The following USP3 variants were observed in gnomAD, a reference collection of about 807,000 sequenced individuals.
USP3 encodes the protein ubiquitin specific peptidase 3.
A neutral mutation model predicts 72.3 loss-of-function variants in USP3; 20 were observed. That is an observed-to-expected ratio of 0.28 (90% confidence interval 0.19 to 0.40). The LOEUF (loss-of-function observed/expected upper bound fraction) is 0.40. Ranked by LOEUF, USP3 falls within the 10% of genes least tolerant of loss-of-function variation. The pLI is 1.00. For missense variants in USP3, 479 were observed against 633.9 expected (o/e 0.76, Z 2.62); for synonymous variants, 222 against 225.3 (o/e 0.99, Z 0.13).
chr15:63,554,699 A>G, intron 4 of USP3, among the ~76,000 whole-genome samples: 1 of 152,246 alleles, frequency 6.6e-6, no homozygotes, highest in East Asian at 1.9e-4. Flanking sequence ...CTTTGAGGGC[A>G]GTACTGTGTA....
At chr15:63,522,025 C>G (rs1189197990) in intron 1 of USP3, among the ~76,000 whole-genome samples, 3 of 152,114 alleles carry the variant, frequency 2.0e-5, no homozygotes, top group Non-Finnish European at 2.9e-5. Flanking sequence ...CACAGCAGCC[C>G]TTACCTTCCA....
Position 63,562,943 on chromosome 15 carries a change from C to T in USP3, c.696C>T (p.Gly232=), listed in dbSNP as rs1463616259. Residue 232 remains glycine (G), a synonymous_variant, in exon 8 of 15, where the codon GGC becomes GGT. Coordinates refer to ENST00000380324, the MANE Select transcript of USP3 (RefSeq NM_006537.4). ...AGACACTCTGTGCTTTATGGCAAGG[C>T]AGCCAGACTGCATTTAGCCCAGAGT... ...FRKTLCALWQ[G]SQTAFSPESL... is the part of the protein sequence containing the mutation. 1 of 1,612,854 alleles carries T rather than the reference C, an allele frequency of 6.2e-7. No homozygotes were observed. The highest frequency in any genetic ancestry group is 1.1e-5 in the South Asian group (1 of 90,534).
intron 3 of USP3, chr15:63,551,415 A>G (rs1430049082): frequency 6.6e-6 from 1 of 151,672 alleles, no homozygotes; most frequent in African/African-American, 2.4e-5. Context: ...AATAATTAAA[A>G]TAAGTATTTT....
At position 63,531,380 on chromosome 15, in the gene USP3, A is replaced by G. The variant is rs566158023; in HGVS notation, c.92-1267A>G. On this transcript the variant is annotated intron_variant, in intron 1 of 14. Coordinates refer to ENST00000380324, the MANE Select transcript of USP3 (RefSeq NM_006537.4). ...AAAACTGGTTAATATCCTACAGGGTAGTATAATTGTAACCTTTGGAGTCTG... is the reference window on the plus strand; with the variant it reads ...AAAACTGGTTAATATCCTACAGGGTGGTATAATTGTAACCTTTGGAGTCTG... Among the ~76,000 whole-genome samples the G allele has an allele frequency of 2.6e-5, 4 of 152,352 alleles. No homozygotes were observed. The South Asian group carries it at 8.3e-4, about 32-fold the overall frequency.
At chr15:63,568,490 A>T (rs759457548) in intron 8 of USP3, among the ~76,000 whole-genome samples, 2 of 152,144 alleles carry the variant, frequency 1.3e-5, no homozygotes, top group East Asian at 1.9e-4. Context: ...TTTGGGTGAC[A>T]TTGCTGAAAT....
chr15:63,520,890 C>T (rs1258119796), intron 1 of USP3, among the ~76,000 whole-genome samples: 1 of 151,980 alleles, frequency 6.6e-6, no homozygotes, highest in East Asian at 1.9e-4. Flanking sequence ...AAATCTCATC[C>T]TTACTGATTT....
intron 9 of USP3, among the ~76,000 whole-genome samples, chr15:63,571,995 G>A (rs929342173): frequency 5.3e-5 from 8 of 152,228 alleles, no homozygotes; most frequent in Non-Finnish European, 8.8e-5. Flanking sequence ...TACTGAAGGT[G>A]AAGGTGAGGA....
intron 8 of USP3, among the ~76,000 whole-genome samples, chr15:63,566,303 CTTTT>C (rs1011143008): frequency 2.9e-5 from 4 of 139,498 alleles, no homozygotes; most frequent in Non-Finnish European, 4.7e-5. Flanking sequence ...GCCTGTGATG[CTTTT>C]TTTTTTTTTA....
chr15:63,591,932 G>A lies in USP3; in HGVS notation c.*1106G>A, dbSNP rs1057084343. Reference sequence around the variant, plus strand: ...TCGTTTTGTTTTTTGGGGGTTTTTGGAGACAAGAGTCTCTCTCTGTTGCCC... The same window carrying A: ...TCGTTTTGTTTTTTGGGGGTTTTTGAAGACAAGAGTCTCTCTCTGTTGCCC... On this transcript the variant is annotated 3_prime_UTR_variant, in exon 15 of 15. Transcript: ENST00000380324. 6.6e-6 allele frequency: 1 copy of A among 152,230 alleles called. No homozygotes were observed. Among genetic ancestry groups the A allele is most frequent in the African/African-American group, 2.4e-5 (1 of 41,404 alleles). 9.4% of individuals were successfully genotyped at this position (152,230 alleles called of 1,614,324 possible).
intron 1 of USP3, among the ~76,000 whole-genome samples, chr15:63,511,355 T>G (rs1360873137): frequency 6.6e-6 from 1 of 151,126 alleles, no homozygotes; most frequent in African/African-American, 2.4e-5. Context: ...GAACACATAC[T>G]TTAAATAATT....
chr15:63,514,426 G>A (rs2065825403), intron 1 of USP3, among the ~76,000 whole-genome samples: 2 of 152,092 alleles, frequency 1.3e-5, no homozygotes, highest in Admixed American at 1.3e-4. Context: ...CTGAAATATT[G>A]ATTATCTATC....
intron 3 of USP3, chr15:63,542,187 A>T (rs987300671): frequency 4.7e-5 from 46 of 985,078 alleles, no homozygotes; most frequent in Non-Finnish European, 5.4e-5. Flanking sequence ...TAAAGCTGAG[A>T]AAGAGGTAGA....
rs769002148 is a variant in USP3, at chr15:63,544,708, C to G, written c.284+7552C>G. The G allele has an allele frequency of 1.4e-6, 1 of 701,442 alleles. No homozygotes were observed. The highest frequency in any genetic ancestry group is 2.7e-5 in the East Asian group (1 of 37,202). 43.5% of individuals were successfully genotyped at this position (701,442 alleles called of 1,614,324 possible). ...TTTGCCATTAAATAAGTGAATAGTG[C>G]GAAATGGAAAATACCGAGGGGTAAG... On this transcript the variant is annotated intron_variant, in intron 3 of 14. Coordinates refer to ENST00000380324, the MANE Select transcript of USP3 (RefSeq NM_006537.4). The surrounding 1 kb of genome is among the most constrained non-coding windows in gnomAD (Gnocchi z 4.2).
intron 1 of USP3, among the ~76,000 whole-genome samples, chr15:63,526,857 A>G (rs2065989652): frequency 6.6e-6 from 1 of 152,170 alleles, no homozygotes; most frequent in Non-Finnish European, 1.5e-5. Context: ...GGATGATGAT[A>G]TGATTGTTTC....
chr15:63,507,993 C>G (rs2065735330), intron 1 of USP3, among the ~76,000 whole-genome samples: 1 of 152,102 alleles, frequency 6.6e-6, no homozygotes, highest in African/African-American at 2.4e-5. Flanking sequence ...CTTTTTGTAA[C>G]TCTTTGTTCA....
intron 11 of USP3, among the ~76,000 whole-genome samples, chr15:63,583,428 C>G (rs2066998530): frequency 6.6e-6 from 1 of 152,110 alleles, no homozygotes; most frequent in Non-Finnish European, 1.5e-5. Context: ...ATACTCCAGC[C>G]TGCATGACAG....
rs2067244353 is a variant in USP3 at position 63,593,675 on chromosome 15, T to C, written c.*2849T>C. ...AGAAAAGTGATTGGATCCATCTCAATTGTGCACTTGAACAGCAGTGATGTA... is the reference window on the plus strand; with the variant it reads ...AGAAAAGTGATTGGATCCATCTCAACTGTGCACTTGAACAGCAGTGATGTA... On this transcript the variant is annotated 3_prime_UTR_variant, in exon 15 of 15. Coordinates refer to ENST00000380324, the MANE Select transcript of USP3 (RefSeq NM_006537.4). 1 of 152,264 alleles carries C rather than the reference T, an allele frequency of 6.6e-6. No homozygotes were observed. Among genetic ancestry groups the C allele is most frequent in the Non-Finnish European group, 1.5e-5 (1 of 68,044 alleles). 9.4% of individuals were successfully genotyped at this position (152,264 alleles called of 1,614,324 possible).
In USP3 at chr15:63,591,839, C is replaced by CCTCT. The variant is rs1166002571; in HGVS notation, c.*1018_*1021dup. On this transcript the variant is annotated 3_prime_UTR_variant, in exon 15 of 15. Coordinates refer to ENST00000380324, the MANE Select transcript of USP3 (RefSeq NM_006537.4). Reference sequence around the variant, plus strand: ...ATCTTCGCTGCTCTGGGTTTTAACACCTCTCTCTGGCCTATCCTGATTGAT... The same window carrying CCTCT: ...ATCTTCGCTGCTCTGGGTTTTAACACCTCTCTCTCTCTGGCCTATCCTGATTGAT... 3 of 151,904 alleles carry CCTCT rather than the reference C, an allele frequency of 2.0e-5. No individual in the cohort carries two copies. The highest frequency in any genetic ancestry group is 7.2e-5 in the African/African-American group (3 of 41,390). The allele number at this position is 151,904 out of a possible 1,614,324, so 9.4% of individuals were successfully genotyped here. A position where few individuals can be genotyped will look rare whatever the true frequency, so the allele number is the denominator to read the frequency against.
chr15:63,560,466 G>C (rs1398828433), intron 7 of USP3, among the ~76,000 whole-genome samples: 1 of 151,932 alleles, frequency 6.6e-6, no homozygotes, highest in African/African-American at 2.4e-5. Context: ...GTAACAGGAG[G>C]GATAAATTTA....
Sources: gnomAD v4.1 joint callset for allele counts (sites outside exome capture counted in the v4.1 genomes callset) on GRCh38, gnomAD v4.1.1 for gene constraint, Gnocchi (gnomAD v3.1) non-coding constraint, MANE v1.5 for transcripts, NCBI Gene and HGNC (gene_info 2026-07-23, HGNC 2026-07-21) for gene names.